Variants in MEF2A observed in about 807,000 individuals in gnomAD.
The protein encoded by MEF2A is myocyte-specific enhancer factor 2A.
A neutral mutation model predicts 55.8 loss-of-function variants in MEF2A; 28 were observed. The observed-to-expected ratio is 0.50, with a 90% CI of 0.37 to 0.69. The LOEUF (loss-of-function observed/expected upper bound fraction) is 0.69. Ranked by LOEUF, MEF2A falls within the 30% of genes least tolerant of loss-of-function variation. MEF2A has a pLI of 0.00. For synonymous variants in MEF2A, 239 were observed against 227.1 expected, an observed-to-expected ratio of 1.05 and a Z score of -0.47; for missense variants, 528 against 626.2, an observed-to-expected ratio of 0.84 and a Z score of 1.67.
At chr15:99,695,595 C>T (rs910830462) in intron 8 of MEF2A, among the ~76,000 whole-genome samples, 2 of 137,032 alleles carry the variant, frequency 1.5e-5, no homozygotes, top group Admixed American at 1.5e-4. Context: ...TGTGGTGGCT[C>T]ATGCCTGTAA....
rs535180103 is a variant in MEF2A at position 99,601,524 on chromosome 15, T to C, written c.-143+3013T>C. Among the ~76,000 whole-genome samples, 12 of 151,454 alleles carry C rather than the reference T, an allele frequency of 7.9e-5. No homozygotes were observed. In the East Asian group the frequency reaches 2.3e-3, roughly 29 times the overall value. On this transcript the variant is annotated intron_variant, in intron 2 of 11. Transcript: ENST00000557942. Reference sequence around the variant, plus strand: ...TCTTGGTCAGAGTTTTTTTTTTTTTTTTTTTCGTTTTCACGAGTAGGTGTT... The same window carrying C: ...TCTTGGTCAGAGTTTTTTTTTTTTTCTTTTTCGTTTTCACGAGTAGGTGTT...
At chr15:99,659,164 T>G (rs189102887) in intron 4 of MEF2A, among the ~76,000 whole-genome samples, 70 of 152,278 alleles carry the variant, frequency 4.6e-4, no homozygotes, top group African/African-American at 1.6e-3. Context: ...CATTTACGTG[T>G]GGAGATCTAG....
chr15:99,594,210 G>T (rs1212237534), intron 1 of MEF2A, among the ~76,000 whole-genome samples: 3 of 152,156 alleles, frequency 2.0e-5, no homozygotes, highest in African/African-American at 7.2e-5. Context: ...GTAAATCAGG[G>T]GTTCTCACTA....
Position 99,633,126 on chromosome 15 carries a change from C to T in MEF2A, c.7C>T (p.Arg3Trp). Residue 3 changes from arginine to tryptophan, a missense_variant, in exon 3 of 12, where the codon CGG (arginine) becomes TGG (tryptophan). Around this residue, in one of 2 missense-constraint regions of MEF2A, gnomAD observed 78 missense variants for 150.9 expected, o/e 0.52. Transcript: ENST00000557942. MG[R>W]KKIQITRIMD... ...TAAGGAAAGTTGACTGAAAATGGGG[C>T]GGAAGAAAATACAAATCACACGCAT... 6.3e-7 allele frequency: 1 copy of T among 1,593,704 alleles called. No individual in the cohort carries two copies.
At chr15:99,683,722 A>G (rs966395221) in intron 7 of MEF2A, among the ~76,000 whole-genome samples, 3 of 151,888 alleles carry the variant, frequency 2.0e-5, no homozygotes, top group African/African-American at 7.3e-5. Flanking sequence ...AAAAAAAAAA[A>G]AAAAAAAAAT....
At chr15:99,676,445 A>G (rs965264367) in intron 7 of MEF2A, among the ~76,000 whole-genome samples, 1 of 151,952 alleles carries the variant, frequency 6.6e-6, no homozygotes, top group Non-Finnish European at 1.5e-5. Flanking sequence ...CCCACCAAGA[A>G]TTGTGAGAGC....
intron 8 of MEF2A, among the ~76,000 whole-genome samples, chr15:99,693,284 T>C (rs1004801216): frequency 6.6e-6 from 1 of 152,210 alleles, no homozygotes; most frequent in East Asian, 1.9e-4. Flanking sequence ...CCAAGAGCTA[T>C]GCACCATTAT....
chr15:99,588,526 G>A (rs1230961606), intron 1 of MEF2A, among the ~76,000 whole-genome samples: 1 of 151,776 alleles, frequency 6.6e-6, no homozygotes, highest in Non-Finnish European at 1.5e-5. Flanking sequence ...GGCTGGTCTC[G>A]AACTCCTGAG....
chr15:99,613,010 AT>A (rs2039558326), intron 2 of MEF2A, among the ~76,000 whole-genome samples: 2 of 152,172 alleles, frequency 1.3e-5, no homozygotes, highest in African/African-American at 4.8e-5. Context: ...AAATGTGTGT[AT>A]AAATTGCAGT....
At chr15:99,586,776 AG>A (rs1364034759) in intron 1 of MEF2A, among the ~76,000 whole-genome samples, 1 of 152,140 alleles carries the variant, frequency 6.6e-6, no homozygotes, top group East Asian at 1.9e-4. Context: ...TAAAACTTTG[AG>A]AAGTTTTATA....
intron 2 of MEF2A, among the ~76,000 whole-genome samples, chr15:99,607,048 A>T (rs1975421809): frequency 6.6e-6 from 1 of 152,214 alleles, no homozygotes; most frequent in Non-Finnish European, 1.5e-5. Flanking sequence ...GAAGCCAGAA[A>T]TCACACATTA....
rs564151102 is a variant in MEF2A at position 99,685,996 on chromosome 15, A to G, written c.671-4245A>G. On this transcript the variant is annotated intron_variant, in intron 7 of 11. Coordinates refer to ENST00000557942, the MANE Select transcript of MEF2A (RefSeq NM_001319206.4). ...TACTGTTTCAGTCTCGCTGCTTGTT[A>G]TTGGTCCATGCAGAGTTTTTATTTC... Among the ~76,000 whole-genome samples the G allele has an allele frequency of 2.0e-5, 3 of 151,894 alleles. No homozygotes were observed. In the South Asian group the frequency reaches 6.3e-4, roughly 32 times the overall value.
chr15:99,570,137 C>T (rs530314688), intron 1 of MEF2A, among the ~76,000 whole-genome samples: 1 of 151,928 alleles, frequency 6.6e-6, no homozygotes, highest in Non-Finnish European at 1.5e-5. Context: ...ATATTAGCTC[C>T]TTTGTGAGGT....
At chr15:99,704,879 T>C (rs980052037) in intron 9 of MEF2A, among the ~76,000 whole-genome samples, 1 of 152,220 alleles carries the variant, frequency 6.6e-6, no homozygotes, top group Admixed American at 6.5e-5. Flanking sequence ...TGGCATACAT[T>C]GATTTTCCAC....
At chr15:99,634,609 G>A (rs943173026) in intron 3 of MEF2A, among the ~76,000 whole-genome samples, 7 of 152,150 alleles carry the variant, frequency 4.6e-5, no homozygotes, top group Non-Finnish European at 2.9e-5. Flanking sequence ...GTTTAAATTG[G>A]ACATAGCTAA....
chr15:99,651,982 A>C (rs1487715649), intron 4 of MEF2A, among the ~76,000 whole-genome samples: 1 of 152,146 alleles, frequency 6.6e-6, no homozygotes, highest in Admixed American at 6.5e-5. Context: ...TTTATGTCAT[A>C]TGTGTCAGGG....
At chr15:99,690,119 A>G (rs1367926246) in intron 7 of MEF2A, 122 bp from the exon 8 acceptor site, 10 of 906,998 alleles carry the variant, frequency 1.1e-5, no homozygotes, top group South Asian at 1.7e-5. Context: ...GGGATACTCA[A>G]ACCTGTAGTG....
rs1233487626 is a variant in MEF2A, at chr15:99,715,180, A to G, written c.*2409A>G. On this transcript the variant is annotated 3_prime_UTR_variant, in exon 12 of 12. Transcript: ENST00000557942. ...CTGAAGTTCCAAAATAATCCTTACC[A>G]CTTTGTAAACCATTTATAGCTTTGA... The G allele has an allele frequency of 1.3e-5, 2 of 152,142 alleles. No homozygotes were observed. The highest frequency in any genetic ancestry group is 1.3e-4 in the Admixed American group (2 of 15,278). 9.4% of individuals were successfully genotyped at this position (152,142 alleles called of 1,614,324 possible). A position where few individuals can be genotyped will look rare whatever the true frequency, so the allele number is the denominator to read the frequency against.
At chr15:99,607,306 T>G (rs1447730739) in intron 2 of MEF2A, among the ~76,000 whole-genome samples, 1 of 152,182 alleles carries the variant, frequency 6.6e-6, no homozygotes, top group African/African-American at 2.4e-5. Context: ...CTCTTAGATC[T>G]GAATTGTAAC....
Sources: allele counts gnomAD v4.1 joint callset (sites outside exome capture counted in the v4.1 genomes callset), GRCh38; gene constraint gnomAD v4.1.1; regional missense constraint gnomAD v4.1.1; transcripts MANE v1.5; gene names NCBI Gene and HGNC (gene_info 2026-07-23, HGNC 2026-07-21).